The following CLIP1 variants were observed in gnomAD, a reference collection of about 807,000 sequenced individuals.
CLIP1 encodes CAP-Gly domain-containing linker protein 1.
A neutral mutation model predicts 161.6 loss-of-function variants in CLIP1; 66 were observed. The observed-to-expected ratio is 0.41, with a 90% CI of 0.33 to 0.50. The LOEUF is 0.50. CLIP1 is among the 20% of genes least tolerant of loss of function. The probability of loss-of-function intolerance (pLI) is 0.27; values close to 1 mark genes in which losing one functional copy is unlikely to be tolerated. For missense variants in CLIP1, 1,376 were observed against 1,702.0 expected, an observed-to-expected ratio of 0.81 and a Z score of 3.37; for synonymous variants, 598 against 626.2, an observed-to-expected ratio of 0.96 and a Z score of 0.67.
intron 17 of CLIP1, chr12:122,324,124 G>A (rs1201741546): frequency 1.3e-5 from 2 of 152,428 alleles, no homozygotes; most frequent in African/African-American, 4.8e-5. Flanking sequence ...AATACTTTTC[G>A]GCATCTTGCT....
rs150042847 is a variant in CLIP1, at chr12:122,364,036, G to A, written c.729C>T (p.Gly243=). ...ETDFAKGEWC[G]VELDEPLGKN... ...TCCCAAGTGGCTCATCTAACTCCAC[G>A]CCACACCACTCCCCCTTGGCAAAGT... The change falls in exon 4 of 26, where the codon GGC becomes GGT. Residue 243 remains glycine (G), a synonymous_variant. Coordinates refer to ENST00000620786, the MANE Select transcript of CLIP1 (RefSeq NM_001247997.2). 174 of 1,613,986 alleles carry A rather than the reference G, an allele frequency of 1.1e-4. 1 individual carries two copies. The Admixed American group carries it at 1.3e-3, about 12-fold the overall frequency.
Position 122,390,279 on chromosome 12 carries a change from C to CATATATATATATAT in CLIP1, c.-106-9735_-106-9722dup, listed in dbSNP as rs1179187571. Among the ~76,000 whole-genome samples the CATATATATATATAT allele has an allele frequency of 4.5e-3, 355 of 78,944 alleles. 1 individual carries two copies. Among genetic ancestry groups the CATATATATATATAT allele is most frequent in the Non-Finnish European group, 8.3e-3 (306 of 36,796 alleles). The allele number at this position is 78,944 out of a possible 152,430, so 51.8% of individuals were successfully genotyped here. On this transcript the variant is annotated intron_variant, in intron 1 of 25. Transcript: ENST00000620786. The stretch of plus-strand genomic sequence containing the variant: ...ATATATACACACACATATATATATA[C>CATATATATATATAT]ATATATATATATATATATATATATG...
intron 1 of CLIP1, among the ~76,000 whole-genome samples, chr12:122,393,555 T>G (rs997691770): frequency 6.6e-6 from 1 of 152,176 alleles, no homozygotes; most frequent in South Asian, 2.1e-4. Flanking sequence ...AGAGAGACAT[T>G]TGAAAGGGCA....
At chr12:122,382,009 G>A (rs1185876403) in intron 1 of CLIP1, among the ~76,000 whole-genome samples, 2 of 152,184 alleles carry the variant, frequency 1.3e-5, no homozygotes, top group African/African-American at 2.4e-5. Context: ...CGGATCACTT[G>A]AGGTCAGGAG....
In CLIP1 at chr12:122,377,376, T is replaced by G; in HGVS notation, c.657+13A>C. ...AGTTCAATGAAATGACCTCAGAATG[T>G]TTCTCTACTCACCAATACTCTGTCT... On this transcript the variant is annotated intron_variant, in intron 3 of 25. Coordinates refer to ENST00000620786, the MANE Select transcript of CLIP1 (RefSeq NM_001247997.2). The G allele has an allele frequency of 6.2e-7, 1 of 1,602,152 alleles. No individual in the cohort carries two copies. The highest frequency in any genetic ancestry group is 8.5e-7 in the Non-Finnish European group (1 of 1,172,606).
chr12:122,381,224 T>G (rs1302239908), intron 1 of CLIP1, among the ~76,000 whole-genome samples: 1 of 152,248 alleles, frequency 6.6e-6, no homozygotes, highest in Non-Finnish European at 1.5e-5. Context: ...TTTTTTACTT[T>G]CATTTCTATA....
chr12:122,275,291 G>A (rs1340407037), intron 24 of CLIP1: 1 of 151,978 alleles, frequency 6.6e-6, no homozygotes, highest in Non-Finnish European at 1.5e-5. Flanking sequence ...GAATATATGG[G>A]CACAAGTTTG....
intron 17 of CLIP1, among the ~76,000 whole-genome samples, chr12:122,325,208 C>A (rs1593069915): frequency 2.0e-5 from 3 of 151,958 alleles, no homozygotes; most frequent in Admixed American, 2.0e-4. Flanking sequence ...CAAGGCTCCG[C>A]CACCGTGCCC....
Position 122,278,822 on chromosome 12 carries a change from C to T in CLIP1, c.3886G>A (p.Glu1296Lys). 6.2e-7 allele frequency: 1 copy of T among 1,607,232 alleles called. No individual in the cohort carries two copies. The highest frequency in any genetic ancestry group is 2.2e-5 in the East Asian group (1 of 44,774). ...GAGCTGCTGAGCTGCCTCTTGTTTT[C>T]TTTGAGTTGAAGCTCCAAGTTCTTT... ...KVKNLELQLK[E>K]NKRQLSSSSG... The change falls in exon 23 of 26, where the codon GAA becomes AAA. Residue 1296 changes from glutamate (E) to lysine (K), a missense_variant. Physicochemically the swap from Glu to Lys is moderately conservative, Grantham distance 56. This residue lies in a region of CLIP1 where 948 missense variants were observed against 1,134.8 expected (regional missense o/e 0.84). Transcript: ENST00000620786.
intron 1 of CLIP1, among the ~76,000 whole-genome samples, chr12:122,412,060 C>CTTTTTT (rs71082989): frequency 4.9e-5 from 4 of 81,592 alleles, no homozygotes; most frequent in African/African-American, 1.9e-4. Flanking sequence ...CAGTTATTTT[C>CTTTTTT]TTTTTTTTTT....
chr12:122,278,217 A>G lies in CLIP1; in HGVS notation c.3917-14T>C, dbSNP rs762679345. ...TGTCTGTATTACCTTATATTTGAGG[A>G]AAAAAAAAAAAAAACAAGTGGAGGG... On this transcript the variant is annotated splice_polypyrimidine_tract_variant and intron_variant, in intron 23 of 25. Transcript: ENST00000620786. 118 of 786,634 alleles carry G rather than the reference A, an allele frequency of 1.5e-4. No homozygotes were observed. Among genetic ancestry groups the G allele is most frequent in the Middle Eastern group, 3.2e-4 (1 of 3,088 alleles). The allele number at this position is 786,634 out of a possible 1,614,324, so 48.7% of individuals were successfully genotyped here.
intron 1 of CLIP1, among the ~76,000 whole-genome samples, chr12:122,413,815 C>T (rs1162459056): frequency 6.6e-6 from 1 of 151,984 alleles, no homozygotes; most frequent in African/African-American, 2.4e-5. Context: ...AGTAGACCCA[C>T]CCATTGAGTT....
chr12:122,283,374 C>CA (rs1009300392), intron 21 of CLIP1, among the ~76,000 whole-genome samples: 3 of 147,338 alleles, frequency 2.0e-5, no homozygotes, highest in East Asian at 2.0e-4. Flanking sequence ...TTTAAAGTTA[C>CA]AAAAAAACAA....
intron 1 of CLIP1, among the ~76,000 whole-genome samples, chr12:122,407,591 T>A (rs920428005): frequency 2.0e-5 from 3 of 151,062 alleles, no homozygotes; most frequent in African/African-American, 7.3e-5. Context: ...GTCCAGGCTA[T>A]CTGGGAGGCT....
intron 21 of CLIP1, among the ~76,000 whole-genome samples, chr12:122,286,965 T>A (rs1304354118): frequency 6.6e-6 from 1 of 151,922 alleles, no homozygotes; most frequent in Non-Finnish European, 1.5e-5. Flanking sequence ...ACCACTGCAC[T>A]CCAGCCTGGG....
chr12:122,274,181 A>T lies in CLIP1; in HGVS notation c.3967-19T>A, dbSNP rs749604752. On this transcript the variant is annotated intron_variant, in intron 24 of 25. Coordinates refer to ENST00000620786, the MANE Select transcript of CLIP1 (RefSeq NM_001247997.2). ...AATCAATCTGATTTGTTAAAAAAAA[A>T]ATGTGTAAAATGTCAAGAATATATA... The T allele has an allele frequency of 1.2e-4, 194 of 1,564,950 alleles. No homozygotes were observed. Among genetic ancestry groups the T allele is most frequent in the Non-Finnish European group, 1.6e-4 (187 of 1,136,890 alleles).
intron 10 of CLIP1, among the ~76,000 whole-genome samples, chr12:122,344,934 GC>G (rs1952674716): frequency 6.6e-6 from 1 of 152,068 alleles, no homozygotes; most frequent in Non-Finnish European, 1.5e-5. Flanking sequence ...AAAGATATAA[GC>G]TTTACACTGA....
At chr12:122,421,541 C>T (rs1956943210) in intron 1 of CLIP1, among the ~76,000 whole-genome samples, 1 of 152,170 alleles carries the variant, frequency 6.6e-6, no homozygotes, top group African/African-American at 2.4e-5. Context: ...GAATCACACA[C>T]ACACAATTAC....
In CLIP1 at chr12:122,363,912, G is replaced by A. The variant is rs566261569; in HGVS notation, c.782+71C>T. 60 of 1,599,866 alleles carry A rather than the reference G, an allele frequency of 3.8e-5. No homozygotes were observed. In the Middle Eastern group the frequency reaches 6.7e-4, roughly 18 times the overall value. On this transcript the variant is annotated intron_variant, in intron 4 of 25. Coordinates refer to ENST00000620786, the MANE Select transcript of CLIP1 (RefSeq NM_001247997.2). ...CACAACTTTCCATGTTATGATACAC[G>A]CTTGGTGAGACTGGCCTGAGCATCG...
Sources: allele counts gnomAD v4.1 joint callset (sites outside exome capture counted in the v4.1 genomes callset), GRCh38; gene constraint gnomAD v4.1.1; regional missense constraint gnomAD v4.1.1; transcripts MANE v1.5; gene names NCBI Gene and HGNC (gene_info 2026-07-23, HGNC 2026-07-21).